SHISA5: variants seen among roughly 807,000 people sequenced by gnomAD.
SHISA5 encodes protein shisa-5.
In SHISA5, 21 loss-of-function variants were observed where a neutral mutation model predicts 27.5. The ratio of observed to expected loss-of-function variants is 0.76; its 90% CI spans 0.54 to 1.10. SHISA5 has a LOEUF of 1.10. Ranked by LOEUF, SHISA5 falls within the 50% of genes least tolerant of loss-of-function variation. SHISA5 has a pLI of 0.00. For synonymous variants in SHISA5, 137 were observed against 142.2 expected (o/e 0.96, Z 0.26); for missense variants, 314 against 336.3 (o/e 0.93, Z 0.52).
At chr3:48,482,497 A>T (rs2041057455) in intron 2 of SHISA5, among the ~76,000 whole-genome samples, 1 of 152,238 alleles carries the variant, frequency 6.6e-6, no homozygotes, top group South Asian at 2.1e-4. Context: ...AAACTAGTGG[A>T]GGCAACTGAA....
chr3:48,473,178 A>G lies in SHISA5; in HGVS notation c.315-3335T>C, dbSNP rs1575305903. The G allele has an allele frequency of 6.9e-7, 1 of 1,439,736 alleles. No homozygotes were observed. Among genetic ancestry groups the G allele is most frequent in the African/African-American group, 1.4e-5 (1 of 69,858 alleles). The allele number at this position is 1,439,736 out of a possible 1,614,324, so 89.2% of individuals were successfully genotyped here. On this transcript the variant is annotated intron_variant, in intron 3 of 5. Coordinates refer to ENST00000296444, the MANE Select transcript of SHISA5 (RefSeq NM_016479.6). The surrounding 1 kb of genome is among the most constrained non-coding windows in gnomAD (Gnocchi z 4.3). ...AAGCACAGACGCGAAGCCCCGTTCC[A>G]CCCTCTTAAAGACACAGGATGGCCC...
intron 2 of SHISA5, among the ~76,000 whole-genome samples, chr3:48,486,413 A>G (rs1236634932): frequency 1.0e-5 from 1 of 95,628 alleles, no homozygotes; most frequent in Non-Finnish European, 1.8e-5. Flanking sequence ...TATAATATAT[A>G]TTATATATTA....
intron 2 of SHISA5, among the ~76,000 whole-genome samples, chr3:48,485,597 TAAG>T (rs1407625460): frequency 1.4e-5 from 2 of 143,616 alleles, no homozygotes; most frequent in African/African-American, 5.2e-5. Context: ...TAAGATAATA[TAAG>T]AATATGTATT....
At position 48,468,020 on chromosome 3, in the gene SHISA5, A is replaced by AG. The variant is rs1320427656; in HGVS notation, c.*1086dup. On this transcript the variant is annotated 3_prime_UTR_variant, in exon 6 of 6. Transcript: ENST00000296444. ...CATGTCTGGGCCAGAGCTGCCATCCAGGGCCCCACACCCCACCTTTGGTCC... is the reference window on the plus strand; with the variant it reads ...CATGTCTGGGCCAGAGCTGCCATCCAGGGGCCCCACACCCCACCTTTGGTCC... The AG allele has an allele frequency of 7.2e-5, 29 of 403,570 alleles. No homozygotes were observed. The highest frequency in any genetic ancestry group is 9.9e-5 in the Non-Finnish European group (28 of 282,930). The allele number at this position is 403,570 out of a possible 1,614,324, so 25.0% of individuals were successfully genotyped here. A position where few individuals can be genotyped will look rare whatever the true frequency, so the allele number is the denominator to read the frequency against.
At chr3:48,502,186 G>C (rs114535360) in intron 1 of SHISA5, 1 of 331,048 alleles carries the variant, frequency 3.0e-6, no homozygotes, top group Non-Finnish European at 6.1e-6. Flanking sequence ...CTTAATCCTC[G>C]TTCACTCTCT....
chr3:48,500,556 C>T (rs185481154), intron 2 of SHISA5, among the ~76,000 whole-genome samples: 505 of 152,146 alleles, frequency 3.3e-3, no homozygotes, highest in Non-Finnish European at 4.3e-3. Flanking sequence ...CCCTCTACAC[C>T]GAGGCCAAAC....
chr3:48,499,635 G>A (rs1279016095), intron 2 of SHISA5, among the ~76,000 whole-genome samples: 2 of 145,040 alleles, frequency 1.4e-5, no homozygotes, highest in South Asian at 2.3e-4. Flanking sequence ...AGCCAAGATC[G>A]CACCACCACA....
chr3:48,482,213 A>G (rs1220577084), intron 2 of SHISA5, among the ~76,000 whole-genome samples: 1 of 152,180 alleles, frequency 6.6e-6, no homozygotes, highest in East Asian at 1.9e-4. Context: ...TTAGCAAACC[A>G]AAGCTAATAG....
At chr3:48,493,138 T>TA (rs1393557452) in intron 2 of SHISA5, among the ~76,000 whole-genome samples, 146,819 of 146,824 alleles carry the variant, frequency 1, 73,407 homozygotes, top group Middle Eastern at 1. Context: ...TTGCTAAAAT[T>TA]AAACTTTCGG....
chr3:48,479,190 C>G lies in SHISA5; in HGVS notation c.301G>C (p.Asp101His), dbSNP rs371398661. The change falls in exon 3 of 6, where the codon GAC becomes CAC. Residue 101 changes from aspartate (D) to histidine (H), a missense_variant. Asp to His is a moderately conservative substitution (Grantham distance 81). Transcript: ENST00000296444. ...SALRFRPGYN[D>H]PMSGFGATLA... Reference sequence around the variant, plus strand: ...GGCTTTACTTACCCTGACATGGGGTCGTTGTAGCCAGGGCGAAACCTCAGC... The same window carrying G: ...GGCTTTACTTACCCTGACATGGGGTGGTTGTAGCCAGGGCGAAACCTCAGC... The G allele has an allele frequency of 1.2e-6, 2 of 1,609,862 alleles. No individual in the cohort carries two copies. The highest frequency in any genetic ancestry group is 1.7e-6 in the Non-Finnish European group (2 of 1,178,744).
chr3:48,473,202 C>T lies in SHISA5; in HGVS notation c.315-3359G>A. 7.0e-7 allele frequency: 1 copy of T among 1,429,054 alleles called. No homozygotes were observed. Among genetic ancestry groups the T allele is most frequent in the Non-Finnish European group, 9.1e-7 (1 of 1,095,040 alleles). The allele number at this position is 1,429,054 out of a possible 1,614,324, so 88.5% of individuals were successfully genotyped here. A position where few individuals can be genotyped will look rare whatever the true frequency, so the allele number is the denominator to read the frequency against. On this transcript the variant is annotated intron_variant, in intron 3 of 5. Transcript: ENST00000296444. This position sits in a 1 kb window ranked among gnomAD's most constrained non-coding sequence, Gnocchi z 4.3. ...CACCCTCTTAAAGACACAGGATGGC[C>T]CCGCCCAGCAGCCGGCTAGCAGCCA...
At chr3:48,489,677 G>T (rs2041363814) in intron 2 of SHISA5, among the ~76,000 whole-genome samples, 1 of 143,062 alleles carries the variant, frequency 7.0e-6, no homozygotes, top group African/African-American at 2.7e-5. Flanking sequence ...ACCCAAGCTG[G>T]AGTGCAGTAG....
intron 3 of SHISA5, among the ~76,000 whole-genome samples, chr3:48,472,410 C>T (rs967767362): frequency 2.6e-5 from 4 of 151,752 alleles, no homozygotes; most frequent in African/African-American, 7.3e-5. Context: ...GCAGAAGAAT[C>T]ACGTGAACCC....
Position 48,473,880 on chromosome 3 carries a change from GCAAAACTCCTTCTTTACCTAC to G in SHISA5, c.315-4058_315-4038del, listed in dbSNP as rs2040729497. 6.6e-6 allele frequency among the ~76,000 whole-genome samples: 1 copy of G among 151,714 alleles called. No individual in the cohort carries two copies. Among genetic ancestry groups the G allele is most frequent in the East Asian group, 1.9e-4 (1 of 5,188 alleles). On this transcript the variant is annotated intron_variant, in intron 3 of 5. Transcript: ENST00000296444. This position sits in a 1 kb window ranked among gnomAD's most constrained non-coding sequence, Gnocchi z 4.3. Reference sequence around the variant, plus strand: ...GTTCGAGACCAGCCTGGGCAACATGGCAAAACTCCTTCTTTACCTACCAAAAAATACAAAAATTAGCCAGGC... The same window carrying G: ...GTTCGAGACCAGCCTGGGCAACATGGCAAAAAATACAAAAATTAGCCAGGC...
chr3:48,474,104 T>C (rs1408318234), intron 3 of SHISA5, among the ~76,000 whole-genome samples: 1 of 151,876 alleles, frequency 6.6e-6, no homozygotes, highest in Non-Finnish European at 1.5e-5. Flanking sequence ...TATTATTTTT[T>C]TGAGGCAGGG....
At position 48,483,036 on chromosome 3, in the gene SHISA5, C is replaced by T. The variant is rs185052293; in HGVS notation, c.234-3779G>A. Among the ~76,000 whole-genome samples the T allele has an allele frequency of 1.9e-3, 289 of 152,194 alleles. 3 individuals are homozygous for T. The highest frequency in any genetic ancestry group is 6.4e-3 in the African/African-American group (267 of 41,536). On this transcript the variant is annotated intron_variant, in intron 2 of 5. Coordinates refer to ENST00000296444, the MANE Select transcript of SHISA5 (RefSeq NM_016479.6). ...ACCTCCCGGGCTCAAGTGATCCTCC[C>T]ACCTCGGCCTCCCAAGTAGCTGGGA...
intron 2 of SHISA5, among the ~76,000 whole-genome samples, chr3:48,499,652 C>A (rs1020247368): frequency 2.5e-4 from 35 of 139,996 alleles, no homozygotes; most frequent in Admixed American, 2.3e-3. Context: ...CACATTCCAG[C>A]CTGCAGCCTG....
At chr3:48,496,068 C>T (rs1454142363) in intron 2 of SHISA5, among the ~76,000 whole-genome samples, 1 of 144,092 alleles carries the variant, frequency 6.9e-6, no homozygotes, top group Non-Finnish European at 1.5e-5. Context: ...AGGCGGATCA[C>T]AAGGTCAGGC....
At chr3:48,476,935 G>C (rs1201269249) in intron 3 of SHISA5, 4 of 378,154 alleles carry the variant, frequency 1.1e-5, no homozygotes, top group African/African-American at 2.2e-5. Flanking sequence ...TGGGCTAACA[G>C]AACAGGTCCC....
Sources: allele counts gnomAD v4.1 joint callset (sites outside exome capture counted in the v4.1 genomes callset), GRCh38; gene constraint gnomAD v4.1.1; non-coding constraint Gnocchi (gnomAD v3.1); transcripts MANE v1.5; gene names NCBI Gene and HGNC (gene_info 2026-07-23, HGNC 2026-07-21).